The following KCNK5 variants were observed in gnomAD, a reference collection of about 807,000 sequenced individuals.
KCNK5 encodes the protein potassium two pore domain channel subfamily K member 5.
KCNK5 carries 18 observed loss-of-function variants against 32.9 expected under a neutral mutation model. The ratio of observed to expected loss-of-function variants is 0.55; its 90% CI spans 0.38 to 0.81. The LOEUF is 0.81. KCNK5 is among the 30% of genes least tolerant of loss of function. KCNK5 has a pLI of 0.00. For synonymous variants in KCNK5, 276 were observed against 275.3 expected (o/e 1.00, Z -0.03); for missense variants, 507 against 651.0 (o/e 0.78, Z 2.41).
intron 1 of KCNK5, among the ~76,000 whole-genome samples, chr6:39,197,485 G>T (rs984321490): frequency 2.0e-5 from 3 of 152,188 alleles, no homozygotes; most frequent in Non-Finnish European, 4.4e-5. Flanking sequence ...GGGGACCATC[G>T]CATCAAACTC....
At chr6:39,192,040 T>C (rs964774787) in intron 4 of KCNK5, among the ~76,000 whole-genome samples, 3 of 152,002 alleles carry the variant, frequency 2.0e-5, no homozygotes, top group Non-Finnish European at 4.4e-5. Flanking sequence ...ACGTCTGCAA[T>C]CCCAGCACTT....
intron 1 of KCNK5, among the ~76,000 whole-genome samples, chr6:39,208,764 C>T (rs879684433): frequency 2.0e-4 from 31 of 152,330 alleles, no homozygotes; most frequent in African/African-American, 3.6e-4. Context: ...AGCAAGATCT[C>T]GATGCCCAAC....
intron 1 of KCNK5, among the ~76,000 whole-genome samples, chr6:39,222,144 A>G (rs187929497): frequency 1.1e-3 from 171 of 152,252 alleles, no homozygotes; most frequent in Admixed American, 2.1e-3. Context: ...ACTTCTACAT[A>G]AAGGGATAGC....
intron 1 of KCNK5, among the ~76,000 whole-genome samples, chr6:39,221,537 A>C (rs1771548829): frequency 6.6e-6 from 1 of 152,084 alleles, no homozygotes; most frequent in South Asian, 2.1e-4. Flanking sequence ...CCTGGTAGGC[A>C]CTCCACAGAA....
chr6:39,204,883 G>A (rs1339953415), intron 1 of KCNK5, among the ~76,000 whole-genome samples: 1 of 152,236 alleles, frequency 6.6e-6, no homozygotes, highest in Non-Finnish European at 1.5e-5. Flanking sequence ...TAGGTCTCAC[G>A]CTCAGGAGGG....
At chr6:39,207,218 G>A (rs528840597) in intron 1 of KCNK5, among the ~76,000 whole-genome samples, 23 of 152,260 alleles carry the variant, frequency 1.5e-4, no homozygotes, top group African/African-American at 5.3e-4. Context: ...CCTCCGTCCC[G>A]CTCCCGCTCC....
At chr6:39,216,087 G>A (rs950081181) in intron 1 of KCNK5, among the ~76,000 whole-genome samples, 2 of 152,040 alleles carry the variant, frequency 1.3e-5, no homozygotes, top group African/African-American at 2.4e-5. Flanking sequence ...GTTGGAGACC[G>A]GCCTGGCTAA....
Position 39,191,200 on chromosome 6 carries a change from C to T in KCNK5, c.1190G>A (p.Arg397His), listed in dbSNP as rs200371942. ...APEVFMNQLD[R>H]ISEECEPWDA... ...CCATGGCTCGCATTCCTCGCTGATG[C>T]GGTCCAGCTGGTTCATGAACACCTC... Residue 397 changes from arginine to histidine, a missense_variant, in exon 5 of 5, where the codon CGC (arginine) becomes CAC (histidine). Physicochemically the swap from Arg to His is conservative, Grantham distance 29. Transcript: ENST00000359534. This position sits in a 1 kb window ranked among gnomAD's most constrained non-coding sequence, Gnocchi z 5.8. 49 of 1,614,072 alleles carry T rather than the reference C, an allele frequency of 3.0e-5. No homozygotes were observed. Among genetic ancestry groups the T allele is most frequent in the Middle Eastern group, 1.6e-4 (1 of 6,084 alleles).
chr6:39,198,383 C>G (rs1771064463), intron 1 of KCNK5, among the ~76,000 whole-genome samples: 1 of 152,208 alleles, frequency 6.6e-6, no homozygotes, highest in African/African-American at 2.4e-5. Context: ...AGATGGTTTA[C>G]TAATCCAATG....
At chr6:39,218,721 C>G (rs984102211) in intron 1 of KCNK5, among the ~76,000 whole-genome samples, 2 of 152,126 alleles carry the variant, frequency 1.3e-5, no homozygotes, top group Non-Finnish European at 2.9e-5. Flanking sequence ...CTGGCAACAC[C>G]CTGCAAATAC....
intron 1 of KCNK5, among the ~76,000 whole-genome samples, chr6:39,204,664 T>C (rs1771192263): frequency 6.6e-6 from 1 of 152,228 alleles, no homozygotes; most frequent in Non-Finnish European, 1.5e-5. Context: ...ATTCTAATCT[T>C]ATGTTCAGCC....
chr6:39,207,647 G>A (rs1771253513), intron 1 of KCNK5, among the ~76,000 whole-genome samples: 3 of 152,082 alleles, frequency 2.0e-5, no homozygotes, highest in Non-Finnish European at 4.4e-5. Flanking sequence ...GTGGGTGGCG[G>A]GGGTGGGGGG....
chr6:39,224,353 G>A (rs1052338296), intron 1 of KCNK5, among the ~76,000 whole-genome samples: 3 of 152,182 alleles, frequency 2.0e-5, no homozygotes, highest in African/African-American at 7.2e-5. Context: ...CAAGGCCTGA[G>A]ACAAAGAGGG....
At chr6:39,227,675 C>A in intron 1 of KCNK5, among the ~76,000 whole-genome samples, 1 of 152,212 alleles carries the variant, frequency 6.6e-6, no homozygotes, top group East Asian at 1.9e-4. Context: ...TGATGTCCAT[C>A]AATCTGGGGA....
At chr6:39,227,285 C>A (rs953165347) in intron 1 of KCNK5, among the ~76,000 whole-genome samples, 2 of 152,074 alleles carry the variant, frequency 1.3e-5, no homozygotes, top group African/African-American at 4.8e-5. Flanking sequence ...TGCCCTCTTC[C>A]CCCTCTAAAC....
chr6:39,208,240 T>C (rs914215084), intron 1 of KCNK5, among the ~76,000 whole-genome samples: 1 of 152,166 alleles, frequency 6.6e-6, no homozygotes, highest in Non-Finnish European at 1.5e-5. Flanking sequence ...GAAAAGCCTA[T>C]GAGGAACCAG....
At position 39,194,518 on chromosome 6, in the gene KCNK5, C is replaced by A. The variant is rs1770995133; in HGVS notation, c.465+76G>T. ...CTGTCCTTACACCCTTGGTCCAATT[C>A]CTAGAGGCCTCCTGTCCTCCCCTCA... On this transcript the variant is annotated intron_variant, in intron 3 of 4. Coordinates refer to ENST00000359534, the MANE Select transcript of KCNK5 (RefSeq NM_003740.4). The surrounding 1 kb of genome is among the most constrained non-coding windows in gnomAD (Gnocchi z 4.7). 7 of 1,539,184 alleles carry A rather than the reference C, an allele frequency of 4.5e-6. No homozygotes were observed. The highest frequency in any genetic ancestry group is 1.4e-5 in the African/African-American group (1 of 72,884).
chr6:39,204,220 T>C (rs1771182534), intron 1 of KCNK5, among the ~76,000 whole-genome samples: 1 of 152,240 alleles, frequency 6.6e-6, no homozygotes, highest in African/African-American at 2.4e-5. Flanking sequence ...TGGATCACAT[T>C]TGAGAAGAAG....
At chr6:39,223,635 G>A (rs1771600071) in intron 1 of KCNK5, among the ~76,000 whole-genome samples, 1 of 152,110 alleles carries the variant, frequency 6.6e-6, no homozygotes, top group African/African-American at 2.4e-5. Context: ...CTGTCTTGGA[G>A]GCTCCACTCA....
Sources: gnomAD v4.1 joint callset for allele counts (sites outside exome capture counted in the v4.1 genomes callset) on GRCh38, gnomAD v4.1.1 for gene constraint, Gnocchi (gnomAD v3.1) non-coding constraint, MANE v1.5 for transcripts, NCBI Gene and HGNC (gene_info 2026-07-23, HGNC 2026-07-21) for gene names.